Variants in EYA3 observed in about 807,000 individuals in gnomAD.
The protein encoded by EYA3 is protein phosphatase EYA3.
In EYA3, 39 loss-of-function variants were observed where a neutral mutation model predicts 80.0. The observed-to-expected ratio is 0.49, with a 90% CI of 0.38 to 0.64. EYA3 has a LOEUF of 0.64. EYA3 is among the 30% of genes least tolerant of loss of function. The pLI is 0.00. For missense variants in EYA3, 523 were observed against 676.1 expected (o/e 0.77, Z 2.51); for synonymous variants, 206 against 232.8 (o/e 0.88, Z 1.05).
At chr1:28,005,062 C>A (rs956684709) in intron 10 of EYA3, among the ~76,000 whole-genome samples, 1 of 152,066 alleles carries the variant, frequency 6.6e-6, no homozygotes, top group Non-Finnish European at 1.5e-5. Flanking sequence ...CAGTTGTATA[C>A]CAAGAGATTG....
chr1:28,030,126 T>A (rs1457148298), intron 6 of EYA3, among the ~76,000 whole-genome samples: 1 of 152,204 alleles, frequency 6.6e-6, no homozygotes, highest in African/African-American at 2.4e-5. Context: ...AATGAACACA[T>A]ATATGCAATT....
chr1:28,054,909 G>A (rs570580210), intron 2 of EYA3, among the ~76,000 whole-genome samples: 1 of 152,270 alleles, frequency 6.6e-6, no homozygotes, highest in East Asian at 1.9e-4. Context: ...TAATTTAAAG[G>A]TGATGGTAGA....
chr1:28,001,385 G>A (rs995700218), intron 11 of EYA3, among the ~76,000 whole-genome samples: 5 of 151,348 alleles, frequency 3.3e-5, no homozygotes, highest in African/African-American at 1.2e-4. Flanking sequence ...TCACCATGAA[G>A]CTTAGTGTTT....
intron 1 of EYA3, among the ~76,000 whole-genome samples, chr1:28,064,565 C>T (rs1309028008): frequency 6.6e-6 from 1 of 152,114 alleles, no homozygotes; most frequent in African/African-American, 2.4e-5. Context: ...AACCTGTCTA[C>T]ACCATTCTTT....
chr1:27,997,230 T>G (rs1640522121), intron 13 of EYA3, 90 bp downstream of exon 13: 1 of 1,177,114 alleles, frequency 8.5e-7, no homozygotes, highest in African/African-American at 1.5e-5. Flanking sequence ...AGAGATATAT[T>G]CTATTTATCT....
intron 2 of EYA3, among the ~76,000 whole-genome samples, chr1:28,050,189 TATTATTA>T (rs1557617149): frequency 1.3e-4 from 18 of 141,426 alleles, no homozygotes; most frequent in South Asian, 2.3e-4. Context: ...TTATTATTAT[TATTATTA>T]TTATTATTTT....
chr1:28,047,969 G>A (rs1644088746), intron 3 of EYA3, among the ~76,000 whole-genome samples: 1 of 151,960 alleles, frequency 6.6e-6, no homozygotes, highest in African/African-American at 2.4e-5. Context: ...AGAGGAGTGG[G>A]GTTAATGACT....
chr1:28,063,969 C>A (rs1644736478), intron 1 of EYA3, among the ~76,000 whole-genome samples: 1 of 151,264 alleles, frequency 6.6e-6, no homozygotes, highest in Admixed American at 6.6e-5. Context: ...ACATTTTAGA[C>A]AATTTTTTTT....
intron 14 of EYA3, among the ~76,000 whole-genome samples, chr1:27,992,422 T>C (rs1247032146): frequency 1.3e-5 from 2 of 152,190 alleles, no homozygotes; most frequent in African/African-American, 4.8e-5. Context: ...GCCACTGATC[T>C]GACAGGAAGT....
In EYA3 at chr1:28,087,870, CCTAA is replaced by C. The variant is rs201778467; in HGVS notation, c.-69+650_-69+653del. ...AGAACTAGGAACGCCTTTGTTGTAC[CCTAA>C]CTATGGAAGCTACCAGAGTTCAGTC... On this transcript the variant is annotated intron_variant, in intron 1 of 17. Transcript: ENST00000373871. Among the ~76,000 whole-genome samples the C allele has an allele frequency of 6.7e-3, 1,015 of 152,280 alleles. 5 individuals are homozygous for C. The highest frequency in any genetic ancestry group is 0.01 in the Non-Finnish European group (700 of 68,024).
intron 4 of EYA3, among the ~76,000 whole-genome samples, chr1:28,040,854 C>G (rs1382349163): frequency 2.5e-4 from 30 of 119,952 alleles, no homozygotes; most frequent in Non-Finnish European, 3.6e-4. Context: ...GGCGGAGGGG[C>G]AGGGGGGGGT....
chr1:28,053,600 G>A (rs1644346579), intron 2 of EYA3, among the ~76,000 whole-genome samples: 2 of 152,232 alleles, frequency 1.3e-5, no homozygotes, highest in East Asian at 1.9e-4. Context: ...CTACTTCATA[G>A]GGCTCATGTT....
intron 1 of EYA3, among the ~76,000 whole-genome samples, chr1:28,068,138 C>G (rs1378187672): frequency 1.3e-5 from 2 of 151,926 alleles, no homozygotes; most frequent in Non-Finnish European, 2.9e-5. Flanking sequence ...GAGTTCGAGA[C>G]CAGCCTGGCC....
At chr1:28,028,336 T>C (rs1056993348) in intron 6 of EYA3, among the ~76,000 whole-genome samples, 10 of 152,192 alleles carry the variant, frequency 6.6e-5, no homozygotes, top group African/African-American at 2.4e-4. Context: ...AAAATTCACT[T>C]ACCCATTAAA....
In EYA3 at chr1:28,009,563, T is replaced by A. The variant is rs1641537092; in HGVS notation, c.909+1384A>T. On this transcript the variant is annotated intron_variant, in intron 10 of 17. Coordinates refer to ENST00000373871, the MANE Select transcript of EYA3 (RefSeq NM_001990.4). The surrounding 1 kb of genome is among the most constrained non-coding windows in gnomAD (Gnocchi z 4.8). ...TACTCTGGAGGCTGAGGCAGGAGAA[T>A]CACTTGAACCCGGGAGGCAGAGGTC... Among the ~76,000 whole-genome samples the A allele has an allele frequency of 6.6e-6, 1 of 151,996 alleles. No homozygotes were observed.
Position 28,042,602 on chromosome 1 carries a change from G to C in EYA3, c.126C>G (p.Ser42Arg), listed in dbSNP as rs1361519342. 6.8e-6 allele frequency: 11 copies of C among 1,614,060 alleles called. No individual in the cohort carries two copies. Among genetic ancestry groups the C allele is most frequent in the African/African-American group, 4.0e-5 (3 of 74,928 alleles). ...CTGACATGGGAAGGTTTGAAGCAAG[G>C]CTTGATGTTTCAGGCTTCTGATCAC... The part of the protein sequence containing the change: ...DVSDQKPETS[S>R]LASNLPMSEE... The change falls in exon 4 of 18, where the codon AGC (serine) becomes AGG (arginine). Residue 42 changes from serine to arginine, a missense_variant. Physicochemically the swap from Ser to Arg is moderately radical, Grantham distance 110. Transcript: ENST00000373871.
chr1:28,063,307 T>TA (rs1557633885), intron 1 of EYA3, among the ~76,000 whole-genome samples: 22 of 143,992 alleles, frequency 1.5e-4, no homozygotes, highest in African/African-American at 2.4e-4. Context: ...ATATATATAT[T>TA]TTTTTTTATT....
At chr1:27,982,225 T>C (rs1639353780) in intron 16 of EYA3, among the ~76,000 whole-genome samples, 1 of 151,978 alleles carries the variant, frequency 6.6e-6, no homozygotes, top group African/African-American at 2.4e-5. Flanking sequence ...CTTGAACTCC[T>C]GAGCTCAGGC....
At chr1:27,978,045 T>C (rs1639055605) in intron 17 of EYA3, among the ~76,000 whole-genome samples, 5 of 152,034 alleles carry the variant, frequency 3.3e-5, no homozygotes, top group Non-Finnish European at 5.9e-5. Context: ...CTTTTTGCAG[T>C]CAAGTCTGAT....
Sources: gnomAD v4.1 joint callset for allele counts (sites outside exome capture counted in the v4.1 genomes callset) on GRCh38, gnomAD v4.1.1 for gene constraint, Gnocchi (gnomAD v3.1) non-coding constraint, MANE v1.5 for transcripts, NCBI Gene and HGNC (gene_info 2026-07-23, HGNC 2026-07-21) for gene names.